The following ANKS1B variants were observed in gnomAD, a reference collection of about 807,000 sequenced individuals.
ANKS1B encodes ankyrin repeat and sterile alpha motif domain-containing protein 1B.
In ANKS1B, 36 loss-of-function variants were observed where a neutral mutation model predicts 148.3. The ratio of observed to expected loss-of-function variants is 0.24; its 90% CI spans 0.19 to 0.32. The LOEUF (loss-of-function observed/expected upper bound fraction) is 0.32, where lower values mean the gene tolerates loss of function less well. Ranked by LOEUF, ANKS1B falls within the 10% of genes least tolerant of loss-of-function variation. ANKS1B has a pLI of 1.00. For missense variants in ANKS1B, 1,157 were observed against 1,542.6 expected, an observed-to-expected ratio of 0.75 and a Z score of 4.19; for synonymous variants, 542 against 560.8, an observed-to-expected ratio of 0.97 and a Z score of 0.47.
intron 1 of ANKS1B, among the ~76,000 whole-genome samples, chr12:99,863,548 T>C (rs189119443): frequency 2.0e-5 from 3 of 151,862 alleles, no homozygotes; most frequent in African/African-American, 4.8e-5. Flanking sequence ...ATCCCATTTC[T>C]ACTAAGAATA....
chr12:98,751,269 G>T lies in ANKS1B; in HGVS notation c.3747+86C>A. ...GAAGAAGAGGCCCTGGGTTCTAATG[G>T]CACCCACACCACACAAGGGCCTGGT... On this transcript the variant is annotated intron_variant, in intron 26 of 26. Coordinates refer to ENST00000683438, the MANE Select transcript of ANKS1B (RefSeq NM_001352186.2). The surrounding 1 kb of genome is among the most constrained non-coding windows in gnomAD (Gnocchi z 4.3). 7.2e-7 allele frequency: 1 copy of T among 1,389,112 alleles called. No individual in the cohort carries two copies. Among genetic ancestry groups the T allele is most frequent in the Non-Finnish European group, 9.8e-7 (1 of 1,023,426 alleles). The allele number at this position is 1,389,112 out of a possible 1,614,324, so 86.0% of individuals were successfully genotyped here.
At chr12:98,878,159 AT>A (rs57350939) in intron 17 of ANKS1B, among the ~76,000 whole-genome samples, 76,772 of 149,272 alleles carry the variant, frequency 0.51, 21,289 homozygotes, top group East Asian at 0.82. Context: ...ACATTTTCTA[AT>A]TTTTTTTTTC....
At chr12:99,611,174 T>C (rs937845574) in intron 9 of ANKS1B, among the ~76,000 whole-genome samples, 8 of 152,116 alleles carry the variant, frequency 5.3e-5, no homozygotes, top group Non-Finnish European at 1.2e-4. Context: ...GAACTCGTAA[T>C]CGTAATACTA....
chr12:98,795,133 A>G (rs1566596534), intron 22 of ANKS1B, among the ~76,000 whole-genome samples: 4 of 152,258 alleles, frequency 2.6e-5, no homozygotes, highest in Admixed American at 1.3e-4. Context: ...CAGCATTTGT[A>G]TAATAACTAA....
chr12:98,832,520 G>T (rs932388621), intron 17 of ANKS1B, among the ~76,000 whole-genome samples: 2 of 152,078 alleles, frequency 1.3e-5, no homozygotes, highest in African/African-American at 4.8e-5. Context: ...CTCCATCCAG[G>T]ATATGCAGTC....
intron 17 of ANKS1B, among the ~76,000 whole-genome samples, chr12:98,843,914 G>A (rs972265092): frequency 6.6e-6 from 1 of 152,186 alleles, no homozygotes; most frequent in Non-Finnish European, 1.5e-5. Context: ...AGTAATTGCT[G>A]AATCAGTTTT....
chr12:99,649,618 A>G, intron 9 of ANKS1B: 1 of 504,120 alleles, frequency 2.0e-6, no homozygotes, highest in Non-Finnish European at 3.6e-6. Context: ...GAGGAAGTAT[A>G]GCCAGCATGG....
At chr12:99,725,967 G>T (rs1280088231) in intron 8 of ANKS1B, among the ~76,000 whole-genome samples, 21 of 152,144 alleles carry the variant, frequency 1.4e-4, no homozygotes, top group Admixed American at 1.4e-3. Context: ...GAGACAATGT[G>T]CCAGAATCTC....
intron 1 of ANKS1B, among the ~76,000 whole-genome samples, chr12:99,979,691 G>T (rs1013965386): frequency 3.3e-5 from 5 of 152,068 alleles, no homozygotes; most frequent in African/African-American, 1.2e-4. Context: ...GACTGATTTT[G>T]ATGGAATTTA....
intron 5 of ANKS1B, among the ~76,000 whole-genome samples, chr12:99,780,853 C>A (rs555132584): frequency 6.6e-6 from 1 of 152,166 alleles, no homozygotes; most frequent in South Asian, 2.1e-4. Context: ...AATACAAGGT[C>A]AAATACTCTA....
chr12:99,096,587 G>C (rs1301674673), intron 15 of ANKS1B, among the ~76,000 whole-genome samples: 2 of 152,124 alleles, frequency 1.3e-5, no homozygotes, highest in Admixed American at 6.5e-5. Context: ...TTCTGGGACT[G>C]GCTAGGGCCA....
chr12:99,414,539 G>A (rs1156348921), intron 11 of ANKS1B, among the ~76,000 whole-genome samples: 5 of 152,060 alleles, frequency 3.3e-5, no homozygotes, highest in African/African-American at 1.2e-4. Context: ...CAGGGACATG[G>A]ATGAAGCTGG....
chr12:99,688,213 C>T (rs1314839735), intron 8 of ANKS1B, among the ~76,000 whole-genome samples: 1 of 152,216 alleles, frequency 6.6e-6, no homozygotes, highest in Non-Finnish European at 1.5e-5. Flanking sequence ...TCACTGTGTG[C>T]AGTTCCCACC....
intron 17 of ANKS1B, among the ~76,000 whole-genome samples, chr12:99,042,045 A>C (rs1346476680): frequency 6.6e-6 from 1 of 151,936 alleles, no homozygotes; most frequent in African/African-American, 2.4e-5. Context: ...AAACAAAAAA[A>C]CCCATAAAAC....
At chr12:98,877,487 G>A (rs966053547) in intron 17 of ANKS1B, among the ~76,000 whole-genome samples, 10 of 152,140 alleles carry the variant, frequency 6.6e-5, no homozygotes, top group South Asian at 2.1e-4. Flanking sequence ...AACTAACGGC[G>A]GAAGAAATCC....
intron 9 of ANKS1B, among the ~76,000 whole-genome samples, chr12:99,635,554 A>G (rs2098225491): frequency 6.6e-6 from 1 of 152,144 alleles, no homozygotes; most frequent in Non-Finnish European, 1.5e-5. Flanking sequence ...GAGTAGTCAA[A>G]TTCCTAGAAA....
rs569549707 is a variant in ANKS1B at position 99,911,121 on chromosome 12, T to C, written c.134+72983A>G. 9.2e-5 allele frequency among the ~76,000 whole-genome samples: 14 copies of C among 152,338 alleles called. No homozygotes were observed. In the South Asian group the frequency reaches 2.9e-3, roughly 32 times the overall value. ...AGATTTAGGGTGGTGAAATAAATCA[T>C]TCTCGGTTTTACAGCTAGTAGTTGG... On this transcript the variant is annotated intron_variant, in intron 1 of 26. Coordinates refer to ENST00000683438, the MANE Select transcript of ANKS1B (RefSeq NM_001352186.2).
At chr12:99,440,563 T>C (rs2095533693) in intron 11 of ANKS1B, among the ~76,000 whole-genome samples, 2 of 151,748 alleles carry the variant, frequency 1.3e-5, no homozygotes, top group East Asian at 3.9e-4. Flanking sequence ...TAGAGGATTT[T>C]AAGACGTGAA....
intron 22 of ANKS1B, among the ~76,000 whole-genome samples, chr12:98,790,618 C>T (rs1282262486): frequency 2.0e-5 from 3 of 151,576 alleles, no homozygotes; most frequent in African/African-American, 7.3e-5. Flanking sequence ...CCACCTTGCT[C>T]GGCCAGCTGT....
Sources: allele counts gnomAD v4.1 joint callset (sites outside exome capture counted in the v4.1 genomes callset), GRCh38; gene constraint gnomAD v4.1.1; non-coding constraint Gnocchi (gnomAD v3.1); transcripts MANE v1.5; gene names NCBI Gene and HGNC (gene_info 2026-07-23, HGNC 2026-07-21).